The following SHANK1 variants were observed in gnomAD, a reference collection of about 807,000 sequenced individuals.
SHANK1 encodes the protein SH3 and multiple ankyrin repeat domains protein 1.
Under a neutral mutation model 165.6 loss-of-function variants are expected in SHANK1, and 35 were observed. The observed-to-expected ratio is 0.21, with a 90% CI of 0.16 to 0.28. The LOEUF (loss-of-function observed/expected upper bound fraction) is 0.28. Ranked by LOEUF, SHANK1 falls within the 10% of genes least tolerant of loss-of-function variation. The probability of loss-of-function intolerance (pLI) is 1.00; values close to 1 mark genes in which losing one functional copy is unlikely to be tolerated. For missense variants in SHANK1, 2,681 were observed against 3,036.4 expected (o/e 0.88, Z 2.75); for synonymous variants, 1,428 against 1,384.8 (o/e 1.03, Z -0.69).
rs1219871326 is a variant in SHANK1, at chr19:50,690,930, G to A, written c.1965-1651C>T. Among the ~76,000 whole-genome samples, 4 of 152,050 alleles carry A rather than the reference G, an allele frequency of 2.6e-5. No homozygotes were observed. Among genetic ancestry groups the A allele is most frequent in the African/African-American group, 9.7e-5 (4 of 41,388 alleles). ...TCCCCTTGTAAAAATCCATACATTT[G>A]CACCATGGCGACAGGGTTCTGGATG... On this transcript the variant is annotated intron_variant, in intron 15 of 23. Coordinates refer to ENST00000293441, the MANE Select transcript of SHANK1 (RefSeq NM_016148.5). This position sits in a 1 kb window ranked among gnomAD's most constrained non-coding sequence, Gnocchi z 4.9.
intron 21 of SHANK1, among the ~76,000 whole-genome samples, chr19:50,681,706 C>T (rs749614245): frequency 1.4e-4 from 21 of 152,148 alleles, no homozygotes; most frequent in Admixed American, 9.8e-4. Context: ...TGCGGGGTCT[C>T]TGGAGGCATA....
intron 7 of SHANK1, among the ~76,000 whole-genome samples, 168 bp from the exon 8 acceptor site, chr19:50,711,655 G>GC (rs1310518676): frequency 6.6e-6 from 1 of 152,188 alleles, no homozygotes; most frequent in African/African-American, 2.4e-5. Flanking sequence ...CAGGCTGTCA[G>GC]CCTCAAAACC....
intron 8 of SHANK1, among the ~76,000 whole-genome samples, chr19:50,710,231 G>A (rs937273581): frequency 1.3e-5 from 2 of 152,182 alleles, no homozygotes; most frequent in African/African-American, 2.4e-5. Context: ...ATGTTGGTTC[G>A]GTTTGACAAA....
At position 50,707,193 on chromosome 19, in the gene SHANK1, C is replaced by T. The variant is rs552515923; in HGVS notation, c.1078-2679G>A. ...AAATTCCATTTCCTGTTATTTGTCT[C>T]AGTAGTGTCTCTTCTCCTCTACACC... On this transcript the variant is annotated intron_variant, in intron 8 of 23. Coordinates refer to ENST00000293441, the MANE Select transcript of SHANK1 (RefSeq NM_016148.5). 3.3e-5 allele frequency among the ~76,000 whole-genome samples: 5 copies of T among 152,310 alleles called. No individual in the cohort carries two copies. The South Asian group carries it at 6.2e-4, about 19-fold the overall frequency.
rs757399737 is a variant in SHANK1, at chr19:50,662,317, C to A, written c.6134G>T (p.Gly2045Val). 4.4e-6 allele frequency: 7 copies of A among 1,607,190 alleles called. No homozygotes were observed. Among genetic ancestry groups the A allele is most frequent in the African/African-American group, 1.3e-5 (1 of 74,904 alleles). Residue 2045 changes from glycine to valine, a missense_variant, in exon 24 of 24, where the codon GGC becomes GTC. Around this residue, in one of 10 missense-constraint regions of SHANK1, gnomAD observed 1,713 missense variants for 1,630.2 expected, o/e 1.05. Coordinates refer to ENST00000293441, the MANE Select transcript of SHANK1 (RefSeq NM_016148.5). The surrounding 1 kb of genome is among the most constrained non-coding windows in gnomAD (Gnocchi z 7.7). ...GACTGGGGCGAAGGGGTCAGCCGAG[C>A]CTCCTGCCCCTCCAGTTGGGGAGCC... is the stretch of plus-strand genomic sequence containing the variant. ...IRGSPTGGAG[G>V]SADPFAPVFV...
chr19:50,704,272 A>G, intron 9 of SHANK1, 86 bp from the exon 10 acceptor site: 2 of 1,436,414 alleles, frequency 1.4e-6, no homozygotes, highest in Non-Finnish European at 2.0e-6. Context: ...CCCTGGCCCG[A>G]CCCAAACCTT....
chr19:50,687,467 C>A, intron 19 of SHANK1, 115 bp downstream of exon 19: 1 of 766,152 alleles, frequency 1.3e-6, no homozygotes, highest in Non-Finnish European at 2.1e-6. Context: ...GGACTGGGGA[C>A]AGGATGAGGA....
chr19:50,683,966 G>C (rs1365496143), intron 21 of SHANK1, among the ~76,000 whole-genome samples: 1 of 152,232 alleles, frequency 6.6e-6, no homozygotes, highest in Non-Finnish European at 1.5e-5. Context: ...AGACACACTT[G>C]ATGAAAGGTC....
intron 8 of SHANK1, among the ~76,000 whole-genome samples, chr19:50,705,485 G>A (rs1280917571): frequency 6.6e-6 from 1 of 152,156 alleles, no homozygotes; most frequent in Non-Finnish European, 1.5e-5. Flanking sequence ...GGATATTTGA[G>A]GGCATTTAGG....
chr19:50,686,602 G>A lies in SHANK1; in HGVS notation c.2458+142C>T, dbSNP rs533239819. ...AACGGGGCAGCCGTCGGGAGAGGGC[G>A]GGCGGAGGGAGGGGAGGTGGGATCG... On this transcript the variant is annotated intron_variant, in intron 20 of 23. Coordinates refer to ENST00000293441, the MANE Select transcript of SHANK1 (RefSeq NM_016148.5). The surrounding 1 kb of genome is among the most constrained non-coding windows in gnomAD (Gnocchi z 5.7). 1.7e-4 allele frequency: 132 copies of A among 799,420 alleles called. No individual in the cohort carries two copies. The African/African-American group carries it at 1.9e-3, about 12-fold the overall frequency. 49.5% of individuals were successfully genotyped at this position (799,420 alleles called of 1,614,324 possible).
At chr19:50,684,229 G>GTTT (rs199744718) in intron 21 of SHANK1, among the ~76,000 whole-genome samples, 2,240 of 147,084 alleles carry the variant, frequency 0.015, 67 homozygotes, top group African/African-American at 0.05. Context: ...AAGGAAGAAG[G>GTTT]TTTTTTTTTT....
At position 50,668,751 on chromosome 19, in the gene SHANK1, G is replaced by T. The variant is rs1985672156; in HGVS notation, c.3209C>A (p.Ala1070Glu). ...GAPSPSHHGS[A>E]GGGGGSSQGP... ...CTGGGAGGAGCCGCCGCCCCCGCCC[G>T]CGCTGCCGTGGTGCGATGGGGACGG... is the stretch of plus-strand genomic sequence containing the variant. Residue 1070 changes from alanine (A) to glutamate (E), a missense_variant, in exon 23 of 24, where the codon GCG becomes GAG. Coordinates refer to ENST00000293441, the MANE Select transcript of SHANK1 (RefSeq NM_016148.5). 3 of 1,276,340 alleles carry T rather than the reference G, an allele frequency of 2.4e-6. No homozygotes were observed. The allele number at this position is 1,276,340 out of a possible 1,614,324, so 79.1% of individuals were successfully genotyped here.
chr19:50,673,678 G>A (rs902523013), intron 21 of SHANK1, among the ~76,000 whole-genome samples: 1 of 152,166 alleles, frequency 6.6e-6, no homozygotes, highest in Non-Finnish European at 1.5e-5. Flanking sequence ...CGCACCTACA[G>A]TGTCTAGGGC....
In SHANK1 at chr19:50,672,031, C is replaced by T; in HGVS notation, c.2661G>A (p.Arg887=). The change falls in exon 22 of 24, where the codon CGG becomes CGA. Residue 887 remains arginine, a synonymous_variant. Coordinates refer to ENST00000293441, the MANE Select transcript of SHANK1 (RefSeq NM_016148.5). ...TGGGTGGCATACCGATAGATTTTTG[C>T]CGGAGCATCAACCCAGGTCCTGGAG... ...FLPPGPGLML[R]QKSIGAAEDD... The T allele has an allele frequency of 6.2e-7, 1 of 1,612,926 alleles. No homozygotes were observed. The highest frequency in any genetic ancestry group is 8.5e-7 in the Non-Finnish European group (1 of 1,179,390).
chr19:50,699,262 GC>G lies in SHANK1; in HGVS notation c.1748-1307del, dbSNP rs1986830746. Among the ~76,000 whole-genome samples the G allele has an allele frequency of 1.3e-5, 2 of 152,214 alleles. 1 individual carries two copies. The highest frequency in any genetic ancestry group is 4.1e-4 in the South Asian group (2 of 4,834). ...TTCACTGTAAAAATATTTAGTTAGT[GC>G]CAGTCATGAGTCAGGTACCAGGGTA... On this transcript the variant is annotated intron_variant, in intron 12 of 23. Transcript: ENST00000293441.
chr19:50,701,799 C>T (rs1476831637), intron 12 of SHANK1, among the ~76,000 whole-genome samples: 1 of 152,180 alleles, frequency 6.6e-6, no homozygotes. Context: ...AAGCATCCTT[C>T]TATCCAAGAA....
At chr19:50,689,079 C>G (rs958913959) in intron 16 of SHANK1, 111 bp from the exon 17 acceptor site, 1 of 1,111,874 alleles carries the variant, frequency 9.0e-7, no homozygotes, top group Admixed American at 1.9e-5. Flanking sequence ...GAGGGACCAG[C>G]ACCCCGGGGT....
chr19:50,665,998 T>A, intron 23 of SHANK1, among the ~76,000 whole-genome samples, 194 bp downstream of exon 23: 2 of 140,586 alleles, frequency 1.4e-5, no homozygotes, highest in Non-Finnish European at 1.5e-5. Flanking sequence ...GCAACAAGAG[T>A]GAAACTCCCT....
In SHANK1 at chr19:50,660,736, C is replaced by T. The variant is rs1227442537; in HGVS notation, c.*1229G>A. 1.7e-5 allele frequency among the ~76,000 whole-genome samples: 2 copies of T among 119,492 alleles called. No homozygotes were observed. Among genetic ancestry groups the T allele is most frequent in the Non-Finnish European group, 3.4e-5 (2 of 58,316 alleles). The allele number at this position is 119,492 out of a possible 152,430, so 78.4% of individuals were successfully genotyped here. A position where few individuals can be genotyped will look rare whatever the true frequency, so the allele number is the denominator to read the frequency against. ...ACTGAAAATGCTGGGGGGGGGGGCGCGTGTGCAAAAGCAAGTGTGCAAGAG... is the reference window on the plus strand; with the variant it reads ...ACTGAAAATGCTGGGGGGGGGGGCGTGTGTGCAAAAGCAAGTGTGCAAGAG... On this transcript the variant is annotated 3_prime_UTR_variant, in exon 24 of 24. Coordinates refer to ENST00000293441, the MANE Select transcript of SHANK1 (RefSeq NM_016148.5).
Sources: allele counts gnomAD v4.1 joint callset (sites outside exome capture counted in the v4.1 genomes callset), GRCh38; gene constraint gnomAD v4.1.1; regional missense constraint gnomAD v4.1.1; non-coding constraint Gnocchi (gnomAD v3.1); transcripts MANE v1.5; gene names NCBI Gene and HGNC (gene_info 2026-07-23, HGNC 2026-07-21).